Variants in CDKAL1 observed in about 807,000 individuals in gnomAD.
CDKAL1 encodes CDKAL1 threonylcarbamoyladenosine tRNA methylthiotransferase.
Under a neutral mutation model 68.2 loss-of-function variants are expected in CDKAL1, and 32 were observed. The ratio of observed to expected loss-of-function variants is 0.47; its 90% confidence interval spans 0.35 to 0.63. CDKAL1 has a LOEUF of 0.63. Ranked by LOEUF, CDKAL1 falls within the 30% of genes least tolerant of loss-of-function variation. CDKAL1 has a pLI of 0.00. For missense variants in CDKAL1, 606 were observed against 696.7 expected (o/e 0.87, Z 1.47); for synonymous variants, 234 against 244.3 (o/e 0.96, Z 0.39).
intron 9 of CDKAL1, among the ~76,000 whole-genome samples, chr6:20,923,513 C>T (rs968889202): frequency 1.3e-5 from 2 of 152,102 alleles, no homozygotes; most frequent in Non-Finnish European, 2.9e-5. Context: ...ACGGACTATG[C>T]CCATATGAGA....
chr6:20,604,622 G>T (rs6939917), intron 4 of CDKAL1, among the ~76,000 whole-genome samples: 1 of 152,144 alleles, frequency 6.6e-6, no homozygotes, highest in Non-Finnish European at 1.5e-5. Context: ...CTATGGGCTC[G>T]TGCTCTTGGA....
rs139735383 is a variant in CDKAL1, at chr6:21,156,802, C to A, written c.1300-41219C>A. Among the ~76,000 whole-genome samples the A allele has an allele frequency of 2.1e-3, 322 of 152,144 alleles. 2 individuals are homozygous for A. Among genetic ancestry groups the A allele is most frequent in the African/African-American group, 7.5e-3 (313 of 41,536 alleles). ...AGAGGTGCAGAGAGATCCCTAGGAGCAAGACTGGTGTGCATGCTGCTGTGG... is the reference window on the plus strand; with the variant it reads ...AGAGGTGCAGAGAGATCCCTAGGAGAAAGACTGGTGTGCATGCTGCTGTGG... On this transcript the variant is annotated intron_variant, in intron 13 of 15. Transcript: ENST00000274695.
intron 9 of CDKAL1, among the ~76,000 whole-genome samples, chr6:20,856,640 A>G: frequency 6.6e-6 from 1 of 152,240 alleles, no homozygotes; most frequent in East Asian, 1.9e-4. Context: ...TTTACTAAAC[A>G]AAATTCTACA....
At chr6:21,195,158 G>A (rs563915251) in intron 13 of CDKAL1, among the ~76,000 whole-genome samples, 22 of 151,826 alleles carry the variant, frequency 1.4e-4, no homozygotes, top group African/African-American at 4.1e-4. Flanking sequence ...GTTTTTTTCC[G>A]TATGCTCTGG....
chr6:20,605,302 C>G (rs1766286203), intron 4 of CDKAL1, among the ~76,000 whole-genome samples: 1 of 152,172 alleles, frequency 6.6e-6, no homozygotes, highest in South Asian at 2.1e-4. Context: ...GTAAAGAACT[C>G]AGAGCAGCTG....
At chr6:20,760,268 C>T (rs1005324270) in intron 7 of CDKAL1, among the ~76,000 whole-genome samples, 5 of 152,078 alleles carry the variant, frequency 3.3e-5, no homozygotes, top group African/African-American at 1.2e-4. Context: ...GCATGAGCTG[C>T]CATGCTTGGC....
chr6:20,966,819 A>T (rs1561922779), intron 10 of CDKAL1, among the ~76,000 whole-genome samples: 1 of 152,160 alleles, frequency 6.6e-6, no homozygotes, highest in Non-Finnish European at 1.5e-5. Flanking sequence ...ATTGGTGGAA[A>T]TTTCAGACAT....
intron 13 of CDKAL1, among the ~76,000 whole-genome samples, chr6:21,191,361 CT>C (rs149829226): frequency 0.016 from 2,435 of 152,270 alleles, 69 homozygotes; most frequent in African/African-American, 0.055. Flanking sequence ...ACTTCAGGCA[CT>C]TGGGAAATTT....
intron 5 of CDKAL1, among the ~76,000 whole-genome samples, chr6:20,681,291 T>C (rs2127792047): frequency 6.6e-6 from 1 of 152,342 alleles, no homozygotes; most frequent in Admixed American, 6.5e-5. Flanking sequence ...CAGTCATATG[T>C]ATGCTTGACC....
chr6:21,093,540 G>T (rs1481565507), intron 12 of CDKAL1, among the ~76,000 whole-genome samples: 1 of 152,106 alleles, frequency 6.6e-6, no homozygotes, highest in African/African-American at 2.4e-5. Context: ...ACCAGAATGT[G>T]CCAGAAAGGT....
At position 20,603,639 on chromosome 6, in the gene CDKAL1, A is replaced by G. The variant is rs556217443; in HGVS notation, c.287-45654A>G. ...AAAGCCCCACAAAAGACTCACCATG[A>G]AGGACAATGGTGAAGGAAGATCTTC... On this transcript the variant is annotated intron_variant, in intron 4 of 15. Transcript: ENST00000274695. Among the ~76,000 whole-genome samples, 66 of 152,284 alleles carry G rather than the reference A, an allele frequency of 4.3e-4. No homozygotes were observed. The South Asian group carries it at 6.4e-3, about 15-fold the overall frequency.
chr6:21,015,945 C>G (rs1251471799), intron 11 of CDKAL1, among the ~76,000 whole-genome samples: 3 of 139,450 alleles, frequency 2.2e-5, no homozygotes, highest in Admixed American at 1.4e-4. Context: ...GAGACTCTGA[C>G]TCAAAAAAAA....
chr6:20,868,799 T>C (rs1359105733), intron 9 of CDKAL1, among the ~76,000 whole-genome samples: 1 of 152,170 alleles, frequency 6.6e-6, no homozygotes, highest in Non-Finnish European at 1.5e-5. Flanking sequence ...GGGCCGTGTG[T>C]TAGAAGTGAC....
At chr6:21,075,270 G>A (rs771134766) in intron 12 of CDKAL1, among the ~76,000 whole-genome samples, 3 of 139,770 alleles carry the variant, frequency 2.1e-5, no homozygotes, top group Non-Finnish European at 4.8e-5. Context: ...ATAAGGATAA[G>A]TATACTCTCC....
chr6:20,977,217 G>A (rs1439813838), intron 10 of CDKAL1, among the ~76,000 whole-genome samples: 89 of 152,218 alleles, frequency 5.8e-4, no homozygotes, highest in Non-Finnish European at 3.7e-4. Flanking sequence ...TTTCCCATGA[G>A]TAGTGAACAT....
intron 5 of CDKAL1, among the ~76,000 whole-genome samples, chr6:20,707,057 T>C (rs1771632812): frequency 6.6e-6 from 1 of 152,212 alleles, no homozygotes; most frequent in Non-Finnish European, 1.5e-5. Flanking sequence ...TTTCCTATTG[T>C]GGTTTGTCTG....
At chr6:20,833,252 G>A (rs1205181256) in intron 8 of CDKAL1, among the ~76,000 whole-genome samples, 3 of 152,200 alleles carry the variant, frequency 2.0e-5, no homozygotes, top group Non-Finnish European at 2.9e-5. Flanking sequence ...GAGAAGAGTT[G>A]ATTCCTGAAC....
intron 11 of CDKAL1, among the ~76,000 whole-genome samples, chr6:21,045,092 G>A (rs960683182): frequency 3.3e-5 from 5 of 152,122 alleles, no homozygotes; most frequent in Admixed American, 6.5e-5. Flanking sequence ...ATAGCATTGC[G>A]GATTCAGTTT....
At chr6:20,909,941 T>A (rs976247533) in intron 9 of CDKAL1, among the ~76,000 whole-genome samples, 2 of 152,196 alleles carry the variant, frequency 1.3e-5, no homozygotes, top group African/African-American at 4.8e-5. Flanking sequence ...AATGATTAAA[T>A]CCACTTTCAC....
Sources: gnomAD v4.1 joint callset for allele counts (sites outside exome capture counted in the v4.1 genomes callset) on GRCh38, gnomAD v4.1.1 for gene constraint, MANE v1.5 for transcripts, NCBI Gene and HGNC (gene_info 2026-07-23, HGNC 2026-07-21) for gene names.